MSRA: variants seen among roughly 807,000 people sequenced by gnomAD.
MSRA encodes mitochondrial peptide methionine sulfoxide reductase.
MSRA carries 54 observed loss-of-function variants against 31.3 expected under a neutral mutation model. The observed-to-expected ratio is 1.73, with a 90% CI of 1.39 to 2.17. MSRA has a LOEUF of 2.17. Ranked by LOEUF, MSRA falls within the 30% of genes most tolerant of loss-of-function variation. MSRA has a pLI of 0.00. For synonymous variants in MSRA, 169 were observed against 116.5 expected, an observed-to-expected ratio of 1.45 and a Z score of -2.90; for missense variants, 507 against 300.9, an observed-to-expected ratio of 1.69 and a Z score of -5.07.
intron 3 of MSRA, among the ~76,000 whole-genome samples, chr8:10,288,995 T>C (rs1800086523): frequency 2.6e-5 from 4 of 151,948 alleles, no homozygotes. Flanking sequence ...TTTTTTTTCC[T>C]TTTTTCTTTT....
chr8:10,166,482 T>G (rs1262563863), intron 1 of MSRA, among the ~76,000 whole-genome samples: 3 of 152,146 alleles, frequency 2.0e-5, no homozygotes, highest in African/African-American at 4.8e-5. Flanking sequence ...ACTACATATG[T>G]GTGTGCATGC....
At chr8:10,217,830 T>A (rs1398373083) in intron 2 of MSRA, among the ~76,000 whole-genome samples, 2 of 152,214 alleles carry the variant, frequency 1.3e-5, no homozygotes, top group Admixed American at 6.5e-5. Flanking sequence ...AAATGTTTTT[T>A]AAAACTGTTT....
intron 2 of MSRA, among the ~76,000 whole-genome samples, chr8:10,228,431 C>T (rs780734953): frequency 6.6e-6 from 1 of 152,044 alleles, no homozygotes; most frequent in Non-Finnish European, 1.5e-5. Context: ...TAGGGTGCTC[C>T]ATAAAATTAT....
intron 5 of MSRA, among the ~76,000 whole-genome samples, chr8:10,384,027 G>A (rs1452483410): frequency 6.6e-6 from 1 of 152,108 alleles, no homozygotes; most frequent in African/African-American, 2.4e-5. Flanking sequence ...CCCGAAATCC[G>A]TGACTCTGGA....
intron 2 of MSRA, among the ~76,000 whole-genome samples, chr8:10,228,486 T>C (rs1316633824): frequency 6.6e-6 from 1 of 152,114 alleles, no homozygotes; most frequent in Non-Finnish European, 1.5e-5. Flanking sequence ...ATTTATCAGG[T>C]GCCACTGAAT....
chr8:10,218,767 A>G (rs369717238), intron 2 of MSRA, among the ~76,000 whole-genome samples: 3 of 152,372 alleles, frequency 2.0e-5, no homozygotes, highest in South Asian at 4.1e-4. Flanking sequence ...CAAGGGATAG[A>G]AACTGCCTTA....
chr8:10,386,079 A>G (rs1399159249), intron 5 of MSRA, among the ~76,000 whole-genome samples: 2 of 152,174 alleles, frequency 1.3e-5, no homozygotes, highest in Non-Finnish European at 2.9e-5. Flanking sequence ...AAATTTCTGA[A>G]CATAGGGGCC....
intron 1 of MSRA, among the ~76,000 whole-genome samples, chr8:10,182,774 A>G (rs1232774876): frequency 2.0e-5 from 3 of 152,122 alleles, no homozygotes; most frequent in Non-Finnish European, 4.4e-5. Flanking sequence ...CCTTTCCAAC[A>G]TGGCAGCCTG....
chr8:10,064,549 G>T (rs1797362727), intron 1 of MSRA, among the ~76,000 whole-genome samples: 1 of 152,184 alleles, frequency 6.6e-6, no homozygotes, highest in African/African-American at 2.4e-5. Context: ...TGTGGTGACA[G>T]TATATTTAGA....
chr8:10,424,435 G>T (rs1332921629), intron 5 of MSRA, among the ~76,000 whole-genome samples: 1 of 150,910 alleles, frequency 6.6e-6, no homozygotes, highest in East Asian at 2.0e-4. Context: ...AGAAGGGCCT[G>T]GGGTGGAGCA....
intron 5 of MSRA, among the ~76,000 whole-genome samples, chr8:10,391,362 A>T (rs536341018): frequency 1.0e-3 from 155 of 152,340 alleles, no homozygotes; most frequent in African/African-American, 3.2e-3. Context: ...AATGGGCACA[A>T]GTCTTCAGAT....
intron 2 of MSRA, among the ~76,000 whole-genome samples, chr8:10,240,387 C>T (rs912798612): frequency 7.9e-5 from 12 of 152,182 alleles, no homozygotes; most frequent in African/African-American, 2.7e-4. Flanking sequence ...CCAGTTCGTT[C>T]CTGCATCCAT....
intron 3 of MSRA, among the ~76,000 whole-genome samples, chr8:10,271,225 C>G (rs1012294288): frequency 6.6e-6 from 1 of 152,084 alleles, no homozygotes; most frequent in Non-Finnish European, 1.5e-5. Context: ...CATATAGCAT[C>G]CAGTTTACAG....
intron 5 of MSRA, among the ~76,000 whole-genome samples, chr8:10,398,186 A>G (rs988736525): frequency 2.0e-5 from 3 of 152,222 alleles, no homozygotes; most frequent in African/African-American, 2.4e-5. Flanking sequence ...TAAGAAGTTA[A>G]GTTCTTTTCG....
At chr8:10,157,977 A>G (rs988574954) in intron 1 of MSRA, among the ~76,000 whole-genome samples, 5 of 152,228 alleles carry the variant, frequency 3.3e-5, no homozygotes, top group African/African-American at 1.2e-4. Flanking sequence ...CTTATATGCA[A>G]CAGAGATAAA....
At chr8:10,391,296 G>C (rs1049748170) in intron 5 of MSRA, among the ~76,000 whole-genome samples, 3 of 152,152 alleles carry the variant, frequency 2.0e-5, no homozygotes, top group African/African-American at 7.2e-5. Flanking sequence ...GGTCTGCTCT[G>C]GCCCCTGACA....
chr8:10,364,996 A>G (rs1315219687), intron 5 of MSRA, among the ~76,000 whole-genome samples: 2 of 152,202 alleles, frequency 1.3e-5, no homozygotes, highest in South Asian at 4.1e-4. Context: ...TATATAACAC[A>G]TTTGATATTC....
rs541568669 is a variant in MSRA at position 10,427,884 on chromosome 8, AG to A, written c.544-260del. On this transcript the variant is annotated intron_variant, in intron 5 of 5. Transcript: ENST00000317173. ...GCCCCCAACATGCACTTGGGATGGC[AG>A]GGGTGTGGGGGTAGAGTGTAAGTTA... Among the ~76,000 whole-genome samples the A allele has an allele frequency of 5.3e-5, 8 of 152,296 alleles. No homozygotes were observed. The East Asian group carries it at 1.5e-3, about 29-fold the overall frequency.
intron 3 of MSRA, among the ~76,000 whole-genome samples, chr8:10,246,976 C>G (rs112891709): frequency 0.035 from 5,281 of 152,134 alleles, 291 homozygotes; most frequent in African/African-American, 0.12. Context: ...ACTTAATGGC[C>G]TAAGAGAAAA....
Sources: gnomAD v4.1 joint callset for allele counts (sites outside exome capture counted in the v4.1 genomes callset) on GRCh38, gnomAD v4.1.1 for gene constraint, MANE v1.5 for transcripts, NCBI Gene and HGNC (gene_info 2026-07-23, HGNC 2026-07-21) for gene names.